EXOC4: variants seen among roughly 807,000 people sequenced by gnomAD.
The protein encoded by EXOC4 is exocyst complex component 4, also known as SEC8-like 1.
In EXOC4, 71 loss-of-function variants were observed where a neutral mutation model predicts 107.2. That is an observed-to-expected ratio of 0.66 (90% CI 0.55 to 0.81). EXOC4 has a LOEUF of 0.81. EXOC4 is among the 30% of genes least tolerant of loss of function. The probability of loss-of-function intolerance (pLI) is 0.00; values close to 1 mark genes in which losing one functional copy is unlikely to be tolerated. For missense variants in EXOC4, 1,108 were observed against 1,189.6 expected, an observed-to-expected ratio of 0.93 and a Z score of 1.01; for synonymous variants, 456 against 441.2, an observed-to-expected ratio of 1.03 and a Z score of -0.42.
intron 17 of EXOC4, among the ~76,000 whole-genome samples, chr7:134,049,077 C>T (rs747607272): frequency 7.8e-4 from 118 of 152,178 alleles, no homozygotes; most frequent in Non-Finnish European, 1.4e-3. Flanking sequence ...CTCATCTATA[C>T]GAAAATTAGA....
intron 7 of EXOC4, among the ~76,000 whole-genome samples, chr7:133,468,246 T>G (rs78811260): frequency 0.02 from 2,990 of 152,244 alleles, 33 homozygotes; most frequent in Middle Eastern, 0.037. Flanking sequence ...GACCATAGCG[T>G]TAGTGGTTTT....
intron 11 of EXOC4, among the ~76,000 whole-genome samples, chr7:133,854,576 C>T (rs1798309537): frequency 6.6e-6 from 1 of 152,052 alleles, no homozygotes; most frequent in South Asian, 2.1e-4. Flanking sequence ...GAAAAGTAAT[C>T]GGAGCCTCGG....
intron 9 of EXOC4, among the ~76,000 whole-genome samples, chr7:133,606,523 T>TATTA (rs1563124685): frequency 7.0e-6 from 1 of 142,394 alleles, no homozygotes; most frequent in African/African-American, 3.0e-5. Context: ...TATTATTTTT[T>TATTA]TTTTTTTTTG....
At chr7:133,309,018 G>A (rs1794812431) in intron 4 of EXOC4, among the ~76,000 whole-genome samples, 3 of 152,158 alleles carry the variant, frequency 2.0e-5, no homozygotes, top group Non-Finnish European at 4.4e-5. Context: ...AAACTGGTAT[G>A]CTCACTCTTT....
chr7:133,391,505 A>G (rs1018657740), intron 7 of EXOC4, among the ~76,000 whole-genome samples: 1 of 152,196 alleles, frequency 6.6e-6, no homozygotes, highest in Non-Finnish European at 1.5e-5. Context: ...ACACGTGCGT[A>G]CTGGAAGGAT....
At chr7:133,783,162 T>C (rs1348484832) in intron 10 of EXOC4, among the ~76,000 whole-genome samples, 2 of 152,266 alleles carry the variant, frequency 1.3e-5, no homozygotes, top group African/African-American at 2.4e-5. Flanking sequence ...TTACAACTTA[T>C]ATCTGCTACT....
At chr7:133,475,205 C>T in intron 7 of EXOC4, 123 bp from the exon 8 acceptor site, 3 of 731,596 alleles carry the variant, frequency 4.1e-6, no homozygotes, top group South Asian at 2.3e-5. Context: ...AAATGAATGA[C>T]CAGGTTAATA....
At chr7:133,960,219 A>G (rs1800911057) in intron 14 of EXOC4, among the ~76,000 whole-genome samples, 1 of 152,226 alleles carries the variant, frequency 6.6e-6, no homozygotes, top group African/African-American at 2.4e-5. Context: ...CCATCATAAG[A>G]GAGTTTGGAG....
chr7:133,306,233 A>T (rs1794751449), intron 4 of EXOC4, among the ~76,000 whole-genome samples, 172 bp downstream of exon 4: 2 of 152,188 alleles, frequency 1.3e-5, no homozygotes, highest in Admixed American at 1.3e-4. Flanking sequence ...AGAGGCTGAC[A>T]TTTGAAGTTT....
intron 11 of EXOC4, among the ~76,000 whole-genome samples, chr7:133,821,265 A>T (rs536085913): frequency 6.6e-6 from 1 of 152,288 alleles, no homozygotes; most frequent in Admixed American, 6.5e-5. Context: ...TCTTTTTATG[A>T]GGAAGAAACT....
At chr7:133,697,646 G>A (rs1262077728) in intron 10 of EXOC4, among the ~76,000 whole-genome samples, 3 of 152,202 alleles carry the variant, frequency 2.0e-5, no homozygotes, top group African/African-American at 7.2e-5. Flanking sequence ...GGGCCTCGCA[G>A]TGTGGGAGAG....
intron 9 of EXOC4, among the ~76,000 whole-genome samples, chr7:133,600,094 GT>G (rs1409310848): frequency 6.6e-6 from 1 of 151,718 alleles, no homozygotes; most frequent in Non-Finnish European, 1.5e-5. Flanking sequence ...TAGAGACAGG[GT>G]TTCACCATGT....
intron 14 of EXOC4, among the ~76,000 whole-genome samples, chr7:133,976,256 T>C (rs972929116): frequency 6.6e-6 from 1 of 151,478 alleles, no homozygotes; most frequent in African/African-American, 2.5e-5. Context: ...GCAGAACCAC[T>C]CTAACCTCTC....
At chr7:133,697,223 T>C (rs924756297) in intron 10 of EXOC4, among the ~76,000 whole-genome samples, 1 of 152,224 alleles carries the variant, frequency 6.6e-6, no homozygotes, top group Non-Finnish European at 1.5e-5. Context: ...TATCATATTC[T>C]TCCTTTTCTT....
chr7:133,782,904 C>T (rs565456012), intron 10 of EXOC4, among the ~76,000 whole-genome samples: 5 of 152,292 alleles, frequency 3.3e-5, no homozygotes, highest in Non-Finnish European at 5.9e-5. Context: ...TATGGTCACT[C>T]GCCCAGGCCA....
intron 10 of EXOC4, among the ~76,000 whole-genome samples, chr7:133,798,543 C>T (rs1175324386): frequency 6.6e-6 from 1 of 152,178 alleles, no homozygotes; most frequent in African/African-American, 2.4e-5. Flanking sequence ...GATACTACTG[C>T]AATACATACA....
intron 12 of EXOC4, among the ~76,000 whole-genome samples, chr7:133,903,626 TAG>T (rs1554418011): frequency 1.3e-5 from 2 of 152,202 alleles, no homozygotes; most frequent in Non-Finnish European, 2.9e-5. Context: ...TGCTTAAATT[TAG>T]AGTGTCTCTT....
At chr7:133,579,726 C>T (rs1046918217) in intron 9 of EXOC4, among the ~76,000 whole-genome samples, 2 of 149,846 alleles carry the variant, frequency 1.3e-5, no homozygotes, top group African/African-American at 2.5e-5. Flanking sequence ...CTCACTCTGT[C>T]GCCAGGCTGG....
At position 133,417,026 on chromosome 7, in the gene EXOC4, A is replaced by G. The variant is rs143948137; in HGVS notation, c.1182+42024A>G. Among the ~76,000 whole-genome samples the G allele has an allele frequency of 1.8e-3, 267 of 152,274 alleles. 1 individual carries two copies. The highest frequency in any genetic ancestry group is 6.0e-3 in the African/African-American group (250 of 41,562). On this transcript the variant is annotated intron_variant, in intron 7 of 17. Transcript: ENST00000253861. ...ACATTGAGGATTCACATGGATTTAG[A>G]TAGTATGAATGATGAGGTCTATATG... is the stretch of plus-strand genomic sequence containing the variant.
Sources: allele counts gnomAD v4.1 joint callset (sites outside exome capture counted in the v4.1 genomes callset), GRCh38; gene constraint gnomAD v4.1.1; transcripts MANE v1.5; gene names NCBI Gene and HGNC (gene_info 2026-07-23, HGNC 2026-07-21).